The following BMP6 variants were observed in gnomAD, a reference collection of about 807,000 sequenced individuals.
The protein encoded by BMP6 is bone morphogenetic protein 6.
BMP6 carries 17 observed loss-of-function variants against 54.1 expected under a neutral mutation model. The ratio of observed to expected loss-of-function variants is 0.31; its 90% CI spans 0.22 to 0.47. BMP6 has a LOEUF of 0.47. Ranked by LOEUF, BMP6 falls within the 20% of genes least tolerant of loss-of-function variation. The pLI is 1.00. For missense variants in BMP6, 720 were observed against 690.4 expected, an observed-to-expected ratio of 1.04 and a Z score of -0.48; for synonymous variants, 328 against 291.2, an observed-to-expected ratio of 1.13 and a Z score of -1.28.
chr6:7,837,101 G>C (rs879092311), intron 1 of BMP6, among the ~76,000 whole-genome samples: 4 of 152,346 alleles, frequency 2.6e-5, no homozygotes, highest in Admixed American at 2.6e-4. Flanking sequence ...AAATTAACCA[G>C]AGAGTAAGTC....
At chr6:7,834,051 C>T (rs536573100) in intron 1 of BMP6, among the ~76,000 whole-genome samples, 131 of 152,260 alleles carry the variant, frequency 8.6e-4, no homozygotes, top group Middle Eastern at 3.4e-3. Context: ...CCAACACTAG[C>T]GCTGATCCTG....
chr6:7,785,990 A>G (rs1202033041), intron 1 of BMP6, among the ~76,000 whole-genome samples: 2 of 152,206 alleles, frequency 1.3e-5, no homozygotes, highest in African/African-American at 2.4e-5. Flanking sequence ...CAGAGAAACT[A>G]TGCAGAATGT....
intron 1 of BMP6, among the ~76,000 whole-genome samples, chr6:7,742,860 T>G (rs999922050): frequency 1.3e-5 from 2 of 152,190 alleles, no homozygotes; most frequent in African/African-American, 4.8e-5. Context: ...AACCCTTCAG[T>G]ACTTAAATTA....
chr6:7,871,054 A>AT (rs1561797556), intron 4 of BMP6, among the ~76,000 whole-genome samples: 1 of 150,046 alleles, frequency 6.7e-6, no homozygotes, highest in Non-Finnish European at 1.5e-5. Context: ...GTCCAAAGCC[A>AT]TTTTTTTCCT....
intron 1 of BMP6, among the ~76,000 whole-genome samples, chr6:7,767,220 C>T (rs542944536): frequency 2.0e-5 from 3 of 152,164 alleles, no homozygotes; most frequent in South Asian, 2.1e-4. Context: ...GTGATCCACC[C>T]GCCTTGGCCT....
At chr6:7,846,505 G>A (rs1446698349) in intron 2 of BMP6, among the ~76,000 whole-genome samples, 1 of 152,230 alleles carries the variant, frequency 6.6e-6, no homozygotes, top group Non-Finnish European at 1.5e-5. Flanking sequence ...ATTTAGGTCT[G>A]TAATGGGGAA....
Position 7,728,069 on chromosome 6 carries a change from G to C in BMP6, c.664+450G>C, listed in dbSNP as rs549861553. Among the ~76,000 whole-genome samples, 50 of 151,850 alleles carry C rather than the reference G, an allele frequency of 3.3e-4. 1 individual carries two copies. In the Middle Eastern group the frequency reaches 0.014, roughly 41 times the overall value. On this transcript the variant is annotated intron_variant, in intron 1 of 6. Coordinates refer to ENST00000283147, the MANE Select transcript of BMP6 (RefSeq NM_001718.6). ...CTGCCGCCTTTTGCCCCCTAACTTG[G>C]AGTGCAGTTTTCCCACCGAGACTTT...
At chr6:7,769,228 C>T (rs1757745304) in intron 1 of BMP6, among the ~76,000 whole-genome samples, 1 of 152,190 alleles carries the variant, frequency 6.6e-6, no homozygotes, top group South Asian at 2.1e-4. Context: ...TGGAACTACA[C>T]CGATCAGCTC....
chr6:7,800,079 GGTGTGTGTGTGTGTGTGTGTGT>G (rs72469855), intron 1 of BMP6, among the ~76,000 whole-genome samples: 24 of 145,066 alleles, frequency 1.7e-4, no homozygotes, highest in Non-Finnish European at 3.0e-4. Context: ...TAAAGGAAGG[GGTGTGTGTGTGTGTGTGTGTGT>G]GTGTGTGTGT....
chr6:7,790,062 C>T (rs568783625), intron 1 of BMP6, among the ~76,000 whole-genome samples: 2 of 152,300 alleles, frequency 1.3e-5, no homozygotes, highest in African/African-American at 4.8e-5. Flanking sequence ...CTGCTTGGCA[C>T]TGTTCAGTGT....
intron 1 of BMP6, among the ~76,000 whole-genome samples, chr6:7,791,360 C>G (rs115101091): frequency 0.012 from 1,834 of 152,292 alleles, 23 homozygotes; most frequent in African/African-American, 0.03. Context: ...ATCAGTGACT[C>G]TCTCATTGCC....
Position 7,862,337 on chromosome 6 carries a change from G to A in BMP6, c.1043G>A (p.Gly348Asp). The A allele has an allele frequency of 6.2e-7, 1 of 1,614,200 alleles. No homozygotes were observed. The highest frequency in any genetic ancestry group is 8.5e-7 in the Non-Finnish European group (1 of 1,180,022). The part of the protein sequence containing the change: ...HVHPRAAGLV[G>D]RDGPYDKQPF... ...CACCCCCGAGCCGCAGGCCTGGTGG[G>A]CAGAGACGGCCCTTACGACAAGCAG... Residue 348 changes from glycine (G) to aspartate (D), a missense_variant, in exon 4 of 7, where the codon GGC (glycine) becomes GAC (aspartate). Gly to Asp is a moderately conservative substitution (Grantham distance 94). Around this residue, in one of 3 missense-constraint regions of BMP6, gnomAD observed 650 missense variants for 556.3 expected, o/e 1.17. Coordinates refer to ENST00000283147, the MANE Select transcript of BMP6 (RefSeq NM_001718.6).
chr6:7,868,216 TCTC>T (rs1464280909), intron 4 of BMP6, among the ~76,000 whole-genome samples: 1 of 152,120 alleles, frequency 6.6e-6, no homozygotes, highest in Non-Finnish European at 1.5e-5. Flanking sequence ...GATCCTGAAA[TCTC>T]CTGGAGCAAC....
At chr6:7,738,412 T>A (rs1234510715) in intron 1 of BMP6, among the ~76,000 whole-genome samples, 2 of 152,178 alleles carry the variant, frequency 1.3e-5, no homozygotes, top group African/African-American at 2.4e-5. Flanking sequence ...CTGGTCCCCA[T>A]CTTATGCTAG....
chr6:7,727,091 G>C lies in BMP6; in HGVS notation c.136G>C (p.Asp46His). The C allele has an allele frequency of 7.5e-7, 1 of 1,331,142 alleles. No individual in the cohort carries two copies. Among genetic ancestry groups the C allele is most frequent in the Non-Finnish European group, 9.6e-7 (1 of 1,039,830 alleles). The allele number at this position is 1,331,142 out of a possible 1,614,324, so 82.5% of individuals were successfully genotyped here. The part of the protein sequence containing the change: ...AAAAGGQLLG[D>H]GGSPGRTEQP... ...CGCCGCCGGGGGGCAGCTGCTGGGG[G>C]ACGGCGGGAGCCCCGGCCGCACGGA... is the stretch of plus-strand genomic sequence containing the variant. Residue 46 changes from aspartate to histidine, a missense_variant, in exon 1 of 7, where the codon GAC (aspartate) becomes CAC (histidine). This residue lies in a region of BMP6 where 650 missense variants were observed against 556.3 expected (regional missense o/e 1.17). Coordinates refer to ENST00000283147, the MANE Select transcript of BMP6 (RefSeq NM_001718.6).
At chr6:7,794,439 A>AT (rs1758162746) in intron 1 of BMP6, among the ~76,000 whole-genome samples, 1 of 152,000 alleles carries the variant, frequency 6.6e-6, no homozygotes. Context: ...TCTACTAAAA[A>AT]TTTTTTTAAA....
At chr6:7,809,788 C>CA (rs1758409052) in intron 1 of BMP6, among the ~76,000 whole-genome samples, 1 of 152,208 alleles carries the variant, frequency 6.6e-6, no homozygotes, top group Non-Finnish European at 1.5e-5. Flanking sequence ...GTTCAGCTTG[C>CA]AAAAAAGACT....
chr6:7,729,046 G>A (rs1040527430), intron 1 of BMP6, among the ~76,000 whole-genome samples: 7 of 152,290 alleles, frequency 4.6e-5, no homozygotes, highest in African/African-American at 1.4e-4. Context: ...GAATCTCACA[G>A]GAGTCCAGGC....
intron 1 of BMP6, among the ~76,000 whole-genome samples, chr6:7,837,668 A>AAGACCACATATTGGG (rs1758894956): frequency 6.6e-6 from 1 of 152,194 alleles, no homozygotes; most frequent in South Asian, 2.1e-4. Context: ...TTAGGCATAA[A>AAGACCACATATTGGG]AGACCACATA....
Sources: allele counts gnomAD v4.1 joint callset (sites outside exome capture counted in the v4.1 genomes callset), GRCh38; gene constraint gnomAD v4.1.1; regional missense constraint gnomAD v4.1.1; transcripts MANE v1.5; gene names NCBI Gene and HGNC (gene_info 2026-07-23, HGNC 2026-07-21).